GPC5: variants seen among roughly 807,000 people sequenced by gnomAD.
GPC5 encodes the protein glypican 5, also known as glypican-5.
GPC5 carries 47 observed loss-of-function variants against 53.9 expected under a neutral mutation model. That is an observed-to-expected ratio of 0.87 (90% CI 0.69 to 1.11). The LOEUF (loss-of-function observed/expected upper bound fraction) is 1.11. Among genes scored for constraint, GPC5 ranks in the 50% most tolerant of loss-of-function variants. The probability of loss-of-function intolerance (pLI) is 0.00; values close to 1 mark genes in which losing one functional copy is unlikely to be tolerated. For synonymous variants in GPC5, 286 were observed against 263.3 expected (o/e 1.09, Z -0.84); for missense variants, 748 against 713.1 (o/e 1.05, Z -0.56).
intron 7 of GPC5, among the ~76,000 whole-genome samples, chr13:92,580,646 C>T (rs547003192): frequency 3.9e-4 from 60 of 152,152 alleles, no homozygotes; most frequent in Admixed American, 1.3e-3. Context: ...TGGTGGAAGG[C>T]AAAGTGGGAG....
chr13:92,578,684 A>G (rs1276792371), intron 7 of GPC5, among the ~76,000 whole-genome samples: 1 of 152,180 alleles, frequency 6.6e-6, no homozygotes, highest in Non-Finnish European at 1.5e-5. Flanking sequence ...AGGGCAGATC[A>G]TCTTCACTGA....
intron 7 of GPC5, among the ~76,000 whole-genome samples, chr13:92,364,459 G>A (rs554422173): frequency 3.3e-5 from 5 of 151,888 alleles, no homozygotes; most frequent in African/African-American, 1.2e-4. Flanking sequence ...GGCCAGGCGC[G>A]GTGGCTTACG....
chr13:91,642,710 G>C (rs2034460078), intron 2 of GPC5, among the ~76,000 whole-genome samples: 1 of 73,020 alleles, frequency 1.4e-5, no homozygotes, highest in African/African-American at 6.2e-5. Context: ...GTTTAAGGAA[G>C]AGCTTTTTTT....
intron 7 of GPC5, among the ~76,000 whole-genome samples, chr13:92,864,783 C>T (rs900167560): frequency 2.0e-5 from 3 of 152,102 alleles, no homozygotes; most frequent in African/African-American, 7.2e-5. Context: ...ACTGTAAAAT[C>T]AATATGTCAG....
chr13:92,545,347 C>A (rs1378432309), intron 7 of GPC5, among the ~76,000 whole-genome samples: 1 of 152,110 alleles, frequency 6.6e-6, no homozygotes, highest in Non-Finnish European at 1.5e-5. Context: ...GGTTCCAATT[C>A]TTTGCTATTG....
intron 7 of GPC5, among the ~76,000 whole-genome samples, chr13:92,247,449 T>C (rs2042660870): frequency 1.3e-5 from 2 of 152,152 alleles, no homozygotes; most frequent in African/African-American, 4.8e-5. Context: ...TAGTATATAA[T>C]TCTTTAATGC....
At chr13:92,341,188 A>G (rs1046681893) in intron 7 of GPC5, among the ~76,000 whole-genome samples, 2 of 152,152 alleles carry the variant, frequency 1.3e-5, no homozygotes, top group African/African-American at 4.8e-5. Context: ...AATTACAGGC[A>G]TCATTAAATT....
intron 7 of GPC5, among the ~76,000 whole-genome samples, chr13:92,218,253 G>A (rs1055934719): frequency 6.6e-6 from 1 of 151,992 alleles, no homozygotes; most frequent in African/African-American, 2.4e-5. Flanking sequence ...GACATGTCTG[G>A]AGGTTCAGAA....
chr13:91,508,480 A>C (rs1885067334), intron 2 of GPC5, among the ~76,000 whole-genome samples: 1 of 152,202 alleles, frequency 6.6e-6, no homozygotes, highest in South Asian at 2.1e-4. Context: ...AGGGGTATTT[A>C]GTTCATTAAA....
chr13:91,772,276 C>A lies in GPC5; in HGVS notation c.1280+15856C>A, dbSNP rs542234978. 2.2e-3 allele frequency among the ~76,000 whole-genome samples: 328 copies of A among 152,178 alleles called. 3 individuals carry two copies. Among genetic ancestry groups the A allele is most frequent in the African/African-American group, 7.7e-3 (319 of 41,510 alleles). ...AAAACATGTCATAATCTTAGAAATT[C>A]ATTGATACTACAGTATGTAGAGAGC... On this transcript the variant is annotated intron_variant, in intron 5 of 7. Coordinates refer to ENST00000377067, the MANE Select transcript of GPC5 (RefSeq NM_004466.6).
intron 5 of GPC5, among the ~76,000 whole-genome samples, chr13:91,865,073 G>A (rs189628466): frequency 8.6e-5 from 13 of 151,670 alleles, no homozygotes; most frequent in East Asian, 7.8e-4. Context: ...CACCACACCC[G>A]GCTAATTTTG....
At chr13:91,514,441 T>G (rs1320996787) in intron 2 of GPC5, among the ~76,000 whole-genome samples, 2 of 152,206 alleles carry the variant, frequency 1.3e-5, no homozygotes, top group African/African-American at 4.8e-5. Flanking sequence ...CTGTATATGC[T>G]CATCAGTGAA....
At chr13:92,599,770 A>G (rs1434818362) in intron 7 of GPC5, among the ~76,000 whole-genome samples, 2 of 151,692 alleles carry the variant, frequency 1.3e-5, no homozygotes, top group Non-Finnish European at 2.9e-5. Context: ...CTAATGGATA[A>G]TTTTCCTGGA....
At chr13:92,238,756 T>G (rs2042588064) in intron 7 of GPC5, among the ~76,000 whole-genome samples, 1 of 143,502 alleles carries the variant, frequency 7.0e-6, no homozygotes, top group African/African-American at 2.7e-5. Flanking sequence ...AACACAAAAG[T>G]TTTTAATTTT....
At chr13:92,416,125 C>T (rs937342937) in intron 7 of GPC5, among the ~76,000 whole-genome samples, 4 of 152,138 alleles carry the variant, frequency 2.6e-5, no homozygotes, top group Non-Finnish European at 5.9e-5. Flanking sequence ...TGCTAAGAGG[C>T]TTTCAGTAGA....
At chr13:91,739,436 A>G (rs1326964093) in intron 4 of GPC5, among the ~76,000 whole-genome samples, 1 of 151,470 alleles carries the variant, frequency 6.6e-6, no homozygotes, top group African/African-American at 2.5e-5. Flanking sequence ...TAAACCAACC[A>G]TAAGCATTTA....
intron 2 of GPC5, among the ~76,000 whole-genome samples, chr13:91,464,098 G>A (rs1594122368): frequency 6.6e-6 from 1 of 151,920 alleles, no homozygotes; most frequent in African/African-American, 2.4e-5. Flanking sequence ...TTACAGAAGG[G>A]GTATGCAGAT....
At chr13:91,801,087 T>C (rs1415372068) in intron 5 of GPC5, among the ~76,000 whole-genome samples, 1 of 152,160 alleles carries the variant, frequency 6.6e-6, no homozygotes, top group South Asian at 2.1e-4. Context: ...TTCTCTTAAA[T>C]AGAAATAATG....
chr13:92,392,288 C>T (rs1412682780), intron 7 of GPC5, among the ~76,000 whole-genome samples: 1 of 151,954 alleles, frequency 6.6e-6, no homozygotes, highest in Non-Finnish European at 1.5e-5. Flanking sequence ...ATGCTGTTTT[C>T]TAAGCAATGG....
Sources: gnomAD v4.1 joint callset for allele counts (sites outside exome capture counted in the v4.1 genomes callset) on GRCh38, gnomAD v4.1.1 for gene constraint, MANE v1.5 for transcripts, NCBI Gene and HGNC (gene_info 2026-07-23, HGNC 2026-07-21) for gene names.